The following SLC35F1 variants were observed in gnomAD, a reference collection of about 807,000 sequenced individuals.
SLC35F1 encodes the protein solute carrier family 35 member F1.
SLC35F1 carries 14 observed loss-of-function variants against 48.7 expected under a neutral mutation model. The ratio of observed to expected loss-of-function variants is 0.29; its 90% CI spans 0.19 to 0.45. The LOEUF (loss-of-function observed/expected upper bound fraction) is 0.45. Among genes scored for constraint, SLC35F1 ranks in the 20% least tolerant of loss-of-function variants. The probability of loss-of-function intolerance (pLI) is 1.00; values close to 1 mark genes in which losing one functional copy is unlikely to be tolerated. For missense variants in SLC35F1, 404 were observed against 500.0 expected (o/e 0.81, Z 1.83); for synonymous variants, 190 against 202.2 (o/e 0.94, Z 0.51).
rs1488146168 is a variant in SLC35F1 at position 118,317,325 on chromosome 6, G to T, written c.*3073G>T. On this transcript the variant is annotated 3_prime_UTR_variant, in exon 8 of 8. Transcript: ENST00000360388. ...TTGCACCACCGTGTCCCATGAAATTGTTTCAATGTTTAGTTTAGATATTGC... is the reference window on the plus strand; with the variant it reads ...TTGCACCACCGTGTCCCATGAAATTTTTTCAATGTTTAGTTTAGATATTGC... 1 of 152,162 alleles carries T rather than the reference G, an allele frequency of 6.6e-6. No individual in the cohort carries two copies. The highest frequency in any genetic ancestry group is 1.5e-5 in the Non-Finnish European group (1 of 68,026). 9.4% of individuals were successfully genotyped at this position (152,162 alleles called of 1,614,324 possible). A position where few individuals can be genotyped will look rare whatever the true frequency, so the allele number is the denominator to read the frequency against.
At chr6:117,992,131 A>AT (rs984158405) in intron 1 of SLC35F1, among the ~76,000 whole-genome samples, 19 of 151,756 alleles carry the variant, frequency 1.3e-4, no homozygotes, top group African/African-American at 3.9e-4. Flanking sequence ...ATTCAAGCAG[A>AT]TTTTTTTTCT....
At chr6:118,211,846 G>A (rs1015105072) in intron 2 of SLC35F1, among the ~76,000 whole-genome samples, 1 of 152,100 alleles carries the variant, frequency 6.6e-6, no homozygotes, top group African/African-American at 2.4e-5. Flanking sequence ...GGATTTCTCA[G>A]GTAAGGATAT....
intron 1 of SLC35F1, among the ~76,000 whole-genome samples, chr6:118,072,103 A>G (rs991965781): frequency 7.9e-5 from 12 of 152,130 alleles, no homozygotes; most frequent in Non-Finnish European, 1.8e-4. Flanking sequence ...TGCATTTTAC[A>G]TGTTTTTATC....
At chr6:118,175,492 A>G (rs1173817133) in intron 2 of SLC35F1, among the ~76,000 whole-genome samples, 1 of 152,168 alleles carries the variant, frequency 6.6e-6, no homozygotes, top group Admixed American at 6.6e-5. Flanking sequence ...TTTCTAACCA[A>G]TTTACCAAAA....
intron 1 of SLC35F1, among the ~76,000 whole-genome samples, chr6:118,146,088 G>T (rs2114452212): frequency 6.6e-6 from 1 of 152,284 alleles, no homozygotes; most frequent in African/African-American, 2.4e-5. Flanking sequence ...GATGCATCCA[G>T]CATGCCTCCC....
At chr6:118,048,024 T>C (rs1010828317) in intron 1 of SLC35F1, among the ~76,000 whole-genome samples, 5 of 152,210 alleles carry the variant, frequency 3.3e-5, no homozygotes, top group Non-Finnish European at 5.9e-5. Flanking sequence ...GGGTTTGTCA[T>C]AGATAGCTCT....
intron 1 of SLC35F1, among the ~76,000 whole-genome samples, chr6:118,002,254 T>G (rs1582612141): frequency 6.6e-6 from 1 of 152,064 alleles, no homozygotes; most frequent in Admixed American, 6.6e-5. Context: ...ATATACACCA[T>G]GGAATACTAT....
chr6:117,911,900 T>A (rs1775768920), intron 1 of SLC35F1, among the ~76,000 whole-genome samples: 1 of 152,218 alleles, frequency 6.6e-6, no homozygotes, highest in East Asian at 1.9e-4. Context: ...GAGTAGCTAC[T>A]GACCTACATA....
chr6:118,155,369 T>A (rs765860584), intron 2 of SLC35F1, among the ~76,000 whole-genome samples: 2 of 152,178 alleles, frequency 1.3e-5, no homozygotes, highest in Admixed American at 6.5e-5. Flanking sequence ...TTAAGTAAGA[T>A]GTTACTAGGC....
At chr6:118,071,076 T>TATATATTCTAC (rs1562280995) in intron 1 of SLC35F1, among the ~76,000 whole-genome samples, 101 of 640 alleles carry the variant, frequency 0.16, 2 homozygotes, top group East Asian at 0.3. Context: ...ATATATACTA[T>TATATATTCTAC]GTGTATATAT....
intron 1 of SLC35F1, among the ~76,000 whole-genome samples, chr6:117,968,645 G>A (rs1776601695): frequency 6.6e-6 from 1 of 152,110 alleles, no homozygotes; most frequent in Non-Finnish European, 1.5e-5. Flanking sequence ...AAGTGGTTTG[G>A]GATATCTAAT....
chr6:117,922,240 A>G (rs1775909038), intron 1 of SLC35F1, among the ~76,000 whole-genome samples: 1 of 152,190 alleles, frequency 6.6e-6, no homozygotes, highest in Non-Finnish European at 1.5e-5. Flanking sequence ...GTTGTATGGT[A>G]GTTAGGTAGT....
intron 1 of SLC35F1, among the ~76,000 whole-genome samples, chr6:117,931,477 A>G (rs1175965924): frequency 6.6e-6 from 1 of 152,154 alleles, no homozygotes; most frequent in Admixed American, 6.5e-5. Context: ...ATTTCTCTCT[A>G]AGCTCATGTT....
intron 1 of SLC35F1, among the ~76,000 whole-genome samples, chr6:118,086,095 T>G (rs937204384): frequency 1.3e-5 from 2 of 152,184 alleles, no homozygotes; most frequent in African/African-American, 4.8e-5. Context: ...GTGTATTTAT[T>G]TTTTTTCAGG....
intron 1 of SLC35F1, among the ~76,000 whole-genome samples, chr6:118,037,869 G>C (rs923979386): frequency 2.0e-5 from 3 of 151,758 alleles, no homozygotes; most frequent in Non-Finnish European, 2.9e-5. Flanking sequence ...GGGCCTGTTG[G>C]GGGGTGGGGG....
intron 1 of SLC35F1, among the ~76,000 whole-genome samples, chr6:118,076,680 A>C (rs1486494045): frequency 1.3e-5 from 2 of 152,202 alleles, no homozygotes; most frequent in Non-Finnish European, 2.9e-5. Flanking sequence ...ACAATTTGAC[A>C]TGAGATTTGG....
At chr6:118,306,451 T>G (rs1776312819) in intron 7 of SLC35F1, among the ~76,000 whole-genome samples, 1 of 152,352 alleles carries the variant, frequency 6.6e-6, no homozygotes, top group Middle Eastern at 3.4e-3. Flanking sequence ...GCTTTAAAAT[T>G]CAGTCTCTTA....
At chr6:118,095,179 A>G (rs370418444) in intron 1 of SLC35F1, among the ~76,000 whole-genome samples, 22 of 152,364 alleles carry the variant, frequency 1.4e-4, no homozygotes, top group Admixed American at 9.8e-4. Flanking sequence ...TTGACAAGAC[A>G]AAGGTCATGG....
chr6:118,139,917 T>C (rs547966116), intron 1 of SLC35F1, among the ~76,000 whole-genome samples: 3 of 152,316 alleles, frequency 2.0e-5, no homozygotes, highest in Admixed American at 6.5e-5. Flanking sequence ...CTAGAAAATA[T>C]ACTTTAGCAC....
Sources: allele counts gnomAD v4.1 joint callset (sites outside exome capture counted in the v4.1 genomes callset), GRCh38; gene constraint gnomAD v4.1.1; transcripts MANE v1.5; gene names NCBI Gene and HGNC (gene_info 2026-07-23, HGNC 2026-07-21).